The following BBX variants were observed in gnomAD, a reference collection of about 807,000 sequenced individuals.
The protein encoded by BBX is BBX high mobility group box domain containing, also known as HMG box transcription factor BBX.
In BBX, 30 loss-of-function variants were observed where a neutral mutation model predicts 100.2. The ratio of observed to expected loss-of-function variants is 0.30; its 90% CI spans 0.22 to 0.41. The LOEUF (loss-of-function observed/expected upper bound fraction) is 0.41, where lower values mean the gene tolerates loss of function less well. Ranked by LOEUF, BBX falls within the 10% of genes least tolerant of loss-of-function variation. The pLI, the probability that BBX is intolerant of heterozygous loss-of-function variation, is 1.00. For missense variants in BBX, 1,023 were observed against 1,129.8 expected, an observed-to-expected ratio of 0.91 and a Z score of 1.35; for synonymous variants, 376 against 388.1, an observed-to-expected ratio of 0.97 and a Z score of 0.37.
At chr3:107,713,020 C>G (rs1209595556) in intron 4 of BBX, among the ~76,000 whole-genome samples, 2 of 152,166 alleles carry the variant, frequency 1.3e-5, no homozygotes, top group African/African-American at 2.4e-5. Flanking sequence ...ACAGCATTCC[C>G]CATAGCCACT....
chr3:107,668,278 ACTC>A (rs754288375), intron 3 of BBX, among the ~76,000 whole-genome samples: 1 of 151,908 alleles, frequency 6.6e-6, no homozygotes, highest in Non-Finnish European at 1.5e-5. Flanking sequence ...AGTGGACACT[ACTC>A]CTTTTTCCTG....
intron 3 of BBX, among the ~76,000 whole-genome samples, chr3:107,705,224 A>G (rs930697850): frequency 3.9e-5 from 6 of 151,992 alleles, no homozygotes; most frequent in African/African-American, 1.5e-4. Context: ...AAGAGGCCCT[A>G]TTTGTGGTTA....
chr3:107,543,226 T>C (rs898064121), intron 2 of BBX, among the ~76,000 whole-genome samples: 1 of 152,164 alleles, frequency 6.6e-6, no homozygotes, highest in Non-Finnish European at 1.5e-5. Flanking sequence ...CATTATAAAT[T>C]TGAAGAAAGG....
chr3:107,552,990 A>T (rs187011779), intron 2 of BBX, among the ~76,000 whole-genome samples: 2 of 152,308 alleles, frequency 1.3e-5, no homozygotes, highest in African/African-American at 4.8e-5. Flanking sequence ...ACGTCTTTTG[A>T]CTTCATAAAG....
intron 2 of BBX, among the ~76,000 whole-genome samples, chr3:107,634,069 C>G (rs546623327): frequency 3.0e-4 from 45 of 152,266 alleles, no homozygotes; most frequent in African/African-American, 1.1e-3. Flanking sequence ...GTAGGCATCC[C>G]CTCTCTATTC....
chr3:107,536,299 T>G (rs112764193), intron 2 of BBX, among the ~76,000 whole-genome samples: 6 of 152,354 alleles, frequency 3.9e-5, no homozygotes, highest in African/African-American at 1.4e-4. Flanking sequence ...ATTAAAATCT[T>G]TTATCTTTGC....
intron 9 of BBX, among the ~76,000 whole-genome samples, chr3:107,754,654 A>G (rs761681679): frequency 1.3e-5 from 2 of 152,204 alleles, no homozygotes; most frequent in African/African-American, 4.8e-5. Flanking sequence ...ATCTGTGGTC[A>G]CCTTTAAGGA....
chr3:107,627,183 G>T (rs1054088348), intron 2 of BBX, among the ~76,000 whole-genome samples: 4 of 152,126 alleles, frequency 2.6e-5, no homozygotes, highest in Non-Finnish European at 5.9e-5. Flanking sequence ...TTATCTTACC[G>T]GATTACTGTA....
At chr3:107,566,460 T>C (rs2050921783) in intron 2 of BBX, among the ~76,000 whole-genome samples, 1 of 152,054 alleles carries the variant, frequency 6.6e-6, no homozygotes, top group African/African-American at 2.4e-5. Context: ...CTAAAATAAT[T>C]TTCTATAACC....
intron 4 of BBX, among the ~76,000 whole-genome samples, chr3:107,714,094 G>T (rs993998221): frequency 6.8e-6 from 1 of 147,740 alleles, no homozygotes; most frequent in African/African-American, 2.5e-5. Flanking sequence ...TCCTGCCTCA[G>T]CCTCCAGAGG....
chr3:107,621,922 A>C (rs9839653), intron 2 of BBX, among the ~76,000 whole-genome samples: 2 of 152,062 alleles, frequency 1.3e-5, no homozygotes, highest in African/African-American at 2.4e-5. Flanking sequence ...TTTTTTAAAC[A>C]TGGGGCCTAA....
chr3:107,679,979 G>A (rs1012348297), intron 3 of BBX, among the ~76,000 whole-genome samples: 1 of 152,180 alleles, frequency 6.6e-6, no homozygotes, highest in South Asian at 2.1e-4. Context: ...GCAATGAACA[G>A]CTTCAGTAAG....
rs562649806 is a variant in BBX, at chr3:107,785,746, T to G, written c.2204-4041T>G. Among the ~76,000 whole-genome samples the G allele has an allele frequency of 2.4e-3, 369 of 152,142 alleles. 1 individual carries two copies. Among genetic ancestry groups the G allele is most frequent in the Admixed American group, 6.9e-3 (106 of 15,266 alleles). ...TGATACTTAATGGTAAAATACTGGA[T>G]GCTTTCCCCCTAGGCAAAGGGGCAA... is the stretch of plus-strand genomic sequence containing the variant. On this transcript the variant is annotated intron_variant, in intron 13 of 17. Coordinates refer to ENST00000325805, the MANE Select transcript of BBX (RefSeq NM_001142568.3).
chr3:107,792,751 C>T (rs370319380), intron 15 of BBX, among the ~76,000 whole-genome samples: 2 of 152,028 alleles, frequency 1.3e-5, no homozygotes, highest in East Asian at 1.9e-4. Flanking sequence ...AAATATATTC[C>T]ATATAGTTTT....
chr3:107,763,435 A>G lies in BBX; in HGVS notation c.906+7757A>G, dbSNP rs1276566960. 2.0e-5 allele frequency among the ~76,000 whole-genome samples: 3 copies of G among 152,200 alleles called. No individual in the cohort carries two copies. In the South Asian group the frequency reaches 6.2e-4, roughly 32 times the overall value. On this transcript the variant is annotated intron_variant, in intron 10 of 17. Coordinates refer to ENST00000325805, the MANE Select transcript of BBX (RefSeq NM_001142568.3). Reference sequence around the variant, plus strand: ...TTAAAGCAGAACAAATTAAAAATGAATATCTTAACATCAGTAGAAAAGAAT... The same window carrying G: ...TTAAAGCAGAACAAATTAAAAATGAGTATCTTAACATCAGTAGAAAAGAAT...
intron 7 of BBX, among the ~76,000 whole-genome samples, chr3:107,734,487 C>T (rs910733434): frequency 9.9e-5 from 15 of 152,188 alleles, no homozygotes; most frequent in African/African-American, 3.6e-4. Flanking sequence ...ATCAAACTCT[C>T]ACTTAGGTGT....
chr3:107,731,175 T>TA (rs2063292939), intron 6 of BBX, among the ~76,000 whole-genome samples: 1 of 152,224 alleles, frequency 6.6e-6, no homozygotes, highest in African/African-American at 2.4e-5. Flanking sequence ...TATGAATTAA[T>TA]ATAAAGGATA....
intron 2 of BBX, among the ~76,000 whole-genome samples, chr3:107,587,525 AC>A (rs1184966127): frequency 3.9e-5 from 6 of 152,154 alleles, no homozygotes; most frequent in Admixed American, 6.5e-5. Flanking sequence ...TTTGCTGGCT[AC>A]TGTTAGTTAT....
At chr3:107,800,494 A>C (rs2070322841) in intron 16 of BBX, among the ~76,000 whole-genome samples, 1 of 152,334 alleles carries the variant, frequency 6.6e-6, no homozygotes, top group African/African-American at 2.4e-5. Context: ...AAGAAAGTAT[A>C]CTCATTTGTA....
Sources: allele counts gnomAD v4.1 joint callset (sites outside exome capture counted in the v4.1 genomes callset), GRCh38; gene constraint gnomAD v4.1.1; transcripts MANE v1.5; gene names NCBI Gene and HGNC (gene_info 2026-07-23, HGNC 2026-07-21).